Variants in EPHA6 observed in about 807,000 individuals in gnomAD.
EPHA6 encodes the protein ephrin type-A receptor 6.
In EPHA6, 50 loss-of-function variants were observed where a neutral mutation model predicts 112.0. The ratio of observed to expected loss-of-function variants is 0.45; its 90% CI spans 0.36 to 0.56. The LOEUF (loss-of-function observed/expected upper bound fraction) is 0.56. Ranked by LOEUF, EPHA6 falls within the 20% of genes least tolerant of loss-of-function variation. EPHA6 has a pLI of 0.00. For missense variants in EPHA6, 1,280 were observed against 1,417.4 expected (o/e 0.90, Z 1.56); for synonymous variants, 529 against 490.7 (o/e 1.08, Z -1.03).
In EPHA6 at chr3:97,481,469, G is replaced by A. The variant is rs953859563; in HGVS notation, c.2074+2105G>A. On this transcript the variant is annotated intron_variant, in intron 9 of 17. Transcript: ENST00000389672. ...CTTTGCAGTTAAAAATATTTCAGAGGCAATAAGGAAGGCACAAACCATAGT... is the reference window on the plus strand; with the variant it reads ...CTTTGCAGTTAAAAATATTTCAGAGACAATAAGGAAGGCACAAACCATAGT... The A allele has an allele frequency of 3.2e-6, 4 of 1,261,858 alleles. No homozygotes were observed. The Admixed American group carries it at 5.2e-5, about 16-fold the overall frequency. 78.2% of individuals were successfully genotyped at this position (1,261,858 alleles called of 1,614,324 possible).
intron 11 of EPHA6, among the ~76,000 whole-genome samples, chr3:97,545,528 G>T (rs2107689863): frequency 1.3e-5 from 2 of 152,276 alleles, no homozygotes; most frequent in Non-Finnish European, 2.9e-5. Flanking sequence ...GTGCTGAAAA[G>T]AATGTATACT....
intron 11 of EPHA6, among the ~76,000 whole-genome samples, chr3:97,543,269 G>C (rs2092893731): frequency 6.6e-6 from 1 of 152,116 alleles, no homozygotes; most frequent in African/African-American, 2.4e-5. Context: ...ATTGATTTTT[G>C]TATAAGGTGT....
chr3:97,391,308 T>C lies in EPHA6; in HGVS notation c.1607-13842T>C, dbSNP rs1322962710. 2.6e-5 allele frequency among the ~76,000 whole-genome samples: 4 copies of C among 151,940 alleles called. No homozygotes were observed. In the Admixed American group the frequency reaches 2.6e-4, roughly 10 times the overall value. ...TTTTAAACATTTTGAATATAAAAGATAGTCAAATGAAAGCTACTTAATGTG... is the reference window on the plus strand; with the variant it reads ...TTTTAAACATTTTGAATATAAAAGACAGTCAAATGAAAGCTACTTAATGTG... On this transcript the variant is annotated intron_variant, in intron 5 of 17. Coordinates refer to ENST00000389672, the MANE Select transcript of EPHA6 (RefSeq NM_001080448.3).
At chr3:97,543,430 C>G (rs2092896941) in intron 11 of EPHA6, among the ~76,000 whole-genome samples, 1 of 152,116 alleles carries the variant, frequency 6.6e-6, no homozygotes. Context: ...TTTCTGAGGG[C>G]TCTGTTCTGT....
chr3:97,504,696 A>AT (rs2092202322), intron 10 of EPHA6, among the ~76,000 whole-genome samples: 1 of 151,944 alleles, frequency 6.6e-6, no homozygotes, highest in Non-Finnish European at 1.5e-5. Context: ...CCGATGGTAT[A>AT]TTTTTCTTCC....
chr3:97,657,126 A>C (rs2094142048), intron 14 of EPHA6, among the ~76,000 whole-genome samples: 1 of 151,890 alleles, frequency 6.6e-6, no homozygotes, highest in African/African-American at 2.4e-5. Context: ...TAGTAGTCCA[A>C]ATGTTTGTTT....
At chr3:97,178,342 G>C (rs1481470015) in intron 3 of EPHA6, among the ~76,000 whole-genome samples, 1 of 152,006 alleles carries the variant, frequency 6.6e-6, no homozygotes, top group African/African-American at 2.4e-5. Context: ...TTTTTGATTA[G>C]TTTATCATTT....
chr3:97,454,955 A>T (rs1402751508), intron 7 of EPHA6, among the ~76,000 whole-genome samples: 1 of 151,980 alleles, frequency 6.6e-6, no homozygotes, highest in Admixed American at 6.6e-5. Context: ...AAATTCCAGT[A>T]TATAAGACTT....
At chr3:97,219,613 G>GCTGGGCC (rs2078133851) in intron 3 of EPHA6, among the ~76,000 whole-genome samples, 1 of 152,172 alleles carries the variant, frequency 6.6e-6, no homozygotes, top group African/African-American at 2.4e-5. Flanking sequence ...GCACAGAGCA[G>GCTGGGCC]CTGGGCCCTG....
intron 2 of EPHA6, among the ~76,000 whole-genome samples, chr3:96,972,736 G>A (rs2042365138): frequency 6.6e-6 from 1 of 152,030 alleles, no homozygotes; most frequent in Non-Finnish European, 1.5e-5. Flanking sequence ...TATGTTTTGA[G>A]TATTTTATCA....
intron 2 of EPHA6, among the ~76,000 whole-genome samples, chr3:96,915,292 G>T (rs2039429927): frequency 6.6e-6 from 1 of 151,920 alleles, no homozygotes. Context: ...GTATTTTAAT[G>T]TTAATAAGAG....
chr3:97,476,484 G>T (rs1182379162), intron 8 of EPHA6, among the ~76,000 whole-genome samples: 1 of 152,092 alleles, frequency 6.6e-6, no homozygotes. Context: ...CACCTTCAGT[G>T]AACCGAAAAC....
chr3:96,922,795 C>G (rs1298893870), intron 2 of EPHA6, among the ~76,000 whole-genome samples: 1 of 152,114 alleles, frequency 6.6e-6, no homozygotes, highest in African/African-American at 2.4e-5. Flanking sequence ...TCCTGATGCT[C>G]TCTATCCCAC....
At chr3:97,433,379 T>A (rs9825243) in intron 6 of EPHA6, among the ~76,000 whole-genome samples, 7,090 of 152,228 alleles carry the variant, frequency 0.047, 499 homozygotes, top group African/African-American at 0.15. Flanking sequence ...CCTTAATTTT[T>A]TTTGGACATA....
rs7615759 is a variant in EPHA6 at position 97,743,647 on chromosome 3, T to C, written c.3129-3776T>C. Among the ~76,000 whole-genome samples, 1,423 of 152,210 alleles carry C rather than the reference T, an allele frequency of 9.3e-3. 21 individuals carry two copies. The highest frequency in any genetic ancestry group is 0.033 in the African/African-American group (1,357 of 41,556). On this transcript the variant is annotated intron_variant, in intron 16 of 17. Coordinates refer to ENST00000389672, the MANE Select transcript of EPHA6 (RefSeq NM_001080448.3). ...AGGCAATGTAAAATAAAATGGACCC[T>C]ATCTGTACATTTCTGCTAATCACAT...
chr3:97,415,971 T>A (rs552429952), intron 6 of EPHA6, among the ~76,000 whole-genome samples: 2 of 152,206 alleles, frequency 1.3e-5, no homozygotes, highest in South Asian at 2.1e-4. Context: ...GTTATATTGT[T>A]TGTTGTCAAA....
At chr3:96,912,168 A>G (rs990573174) in intron 2 of EPHA6, among the ~76,000 whole-genome samples, 2 of 152,114 alleles carry the variant, frequency 1.3e-5, no homozygotes, top group Admixed American at 6.6e-5. Flanking sequence ...GTTACATTAT[A>G]TATTTATTTA....
chr3:97,409,680 A>T (rs2087583709), intron 6 of EPHA6, among the ~76,000 whole-genome samples: 2 of 152,052 alleles, frequency 1.3e-5, no homozygotes, highest in Admixed American at 6.6e-5. Flanking sequence ...AGCTCCCCTA[A>T]TTATCAACTG....
At chr3:96,903,029 G>A (rs1405558423) in intron 2 of EPHA6, among the ~76,000 whole-genome samples, 1 of 152,106 alleles carries the variant, frequency 6.6e-6, no homozygotes. Flanking sequence ...GGACCAAGAA[G>A]AAACAAATAA....
Sources: gnomAD v4.1 joint callset for allele counts (sites outside exome capture counted in the v4.1 genomes callset) on GRCh38, gnomAD v4.1.1 for gene constraint, MANE v1.5 for transcripts, NCBI Gene and HGNC (gene_info 2026-07-23, HGNC 2026-07-21) for gene names.